FIGNL2: variants seen among roughly 807,000 people sequenced by gnomAD.
FIGNL2 encodes the protein fidgetin-like protein 2.
For missense variants in FIGNL2, 1,060 were observed against 950.2 expected, an observed-to-expected ratio of 1.12 and a Z score of -1.52; for synonymous variants, 565 against 484.0, an observed-to-expected ratio of 1.17 and a Z score of -2.20.
At chr12:51,834,539 CA>C (rs1314538373) in intron 1 of FIGNL2, among the ~76,000 whole-genome samples, 1 of 152,252 alleles carries the variant, frequency 6.6e-6, no homozygotes, top group East Asian at 1.9e-4. Flanking sequence ...GCCGCCCCGC[CA>C]GTCTGGCTCC....
chr12:51,835,175 C>T (rs1464411277), intron 1 of FIGNL2: 2 of 151,156 alleles, frequency 1.3e-5, no homozygotes, highest in African/African-American at 4.9e-5. Flanking sequence ...TCCCCCACCA[C>T]CCCCTCTTCC....
chr12:51,841,069 C>T (rs1437860161), intron 1 of FIGNL2, among the ~76,000 whole-genome samples: 1 of 152,260 alleles, frequency 6.6e-6, no homozygotes, highest in African/African-American at 2.4e-5. Flanking sequence ...GAGTCCCCAG[C>T]AGCTGCCTCA....
chr12:51,822,062 T>A lies in FIGNL2; in HGVS notation c.352A>T (p.Thr118Ser). ...GAACCGCCGCCACCGCCCGATTTGG[T>A]TCCTGGGAGGCCTTCGTGGAGTGAG... is the stretch of plus-strand genomic sequence containing the variant. ...LASLHEGLPG[T>S]KSGGGGGSGA... Residue 118 changes from threonine (T) to serine (S), a missense_variant, in exon 2 of 2, where the codon ACC (threonine) becomes TCC (serine). Physicochemically the swap from Thr to Ser is moderately conservative, Grantham distance 58 (BLOSUM62 1). Transcript: ENST00000618634. 1 of 1,610,504 alleles carries A rather than the reference T, an allele frequency of 6.2e-7. No homozygotes were observed. Among genetic ancestry groups the A allele is most frequent in the Non-Finnish European group, 8.5e-7 (1 of 1,178,636 alleles).
chr12:51,834,874 G>A (rs566189268), intron 1 of FIGNL2, among the ~76,000 whole-genome samples: 36 of 152,272 alleles, frequency 2.4e-4, no homozygotes, highest in African/African-American at 8.2e-4. Context: ...CATCGTTTTC[G>A]TCCTCACAAT....
At position 51,821,354 on chromosome 12, in the gene FIGNL2, C is replaced by G; in HGVS notation, c.1060G>C (p.Ala354Pro). ...PFEKFPERAP[A>P]PRGGFAVPSG... ...GGCACGGCGAACCCCCCACGAGGAGCCGGGGCCCGCTCCGGGAACTTTTCA... is the reference window on the plus strand; with the variant it reads ...GGCACGGCGAACCCCCCACGAGGAGGCGGGGCCCGCTCCGGGAACTTTTCA... The change falls in exon 2 of 2, where the codon GCT (alanine) becomes CCT (proline). Residue 354 changes from alanine (A) to proline (P), a missense_variant. Coordinates refer to ENST00000618634, the MANE Select transcript of FIGNL2 (RefSeq NM_001384995.1). 3.3e-6 allele frequency: 5 copies of G among 1,501,156 alleles called. No homozygotes were observed. The highest frequency in any genetic ancestry group is 4.4e-6 in the Non-Finnish European group (5 of 1,128,730). The allele number at this position is 1,501,156 out of a possible 1,614,324, so 93.0% of individuals were successfully genotyped here.
chr12:51,845,719 CA>C, intron 1 of FIGNL2: 1 of 971,666 alleles, frequency 1.0e-6, no homozygotes, highest in Non-Finnish European at 1.2e-6. Flanking sequence ...TGACCGACGG[CA>C]GGGGGAGGGG....
chr12:51,841,104 C>T (rs760978366), intron 1 of FIGNL2, among the ~76,000 whole-genome samples: 2 of 152,182 alleles, frequency 1.3e-5, no homozygotes, highest in Non-Finnish European at 2.9e-5. Flanking sequence ...CTTCCCAGCC[C>T]TGGGGGGGCT....
intron 1 of FIGNL2, among the ~76,000 whole-genome samples, chr12:51,836,636 A>G (rs1006415180): frequency 2.6e-5 from 4 of 152,108 alleles, no homozygotes; most frequent in Admixed American, 2.6e-4. Context: ...GACACACCCC[A>G]GTTAGAAATG....
rs1939769860 is a variant in FIGNL2, at chr12:51,847,185, A to G, written c.-12+1355T>C. The G allele has an allele frequency of 3.0e-6, 3 of 985,230 alleles. No individual in the cohort carries two copies. The Admixed American group carries it at 1.8e-4, about 61-fold the overall frequency. The allele number at this position is 985,230 out of a possible 1,614,324, so 61.0% of individuals were successfully genotyped here. A position where few individuals can be genotyped will look rare whatever the true frequency, so the allele number is the denominator to read the frequency against. Reference sequence around the variant, plus strand: ...GGACTGAGAGGCTCGGGGAGGCTTTAGGAGGATGCTATGGGATTTCGGGGT... The same window carrying G: ...GGACTGAGAGGCTCGGGGAGGCTTTGGGAGGATGCTATGGGATTTCGGGGT... On this transcript the variant is annotated intron_variant, in intron 1 of 1. Transcript: ENST00000618634.
chr12:51,834,370 GGCC>G (rs1313420124), intron 1 of FIGNL2, among the ~76,000 whole-genome samples: 2 of 152,058 alleles, frequency 1.3e-5, no homozygotes, highest in Non-Finnish European at 2.9e-5. Flanking sequence ...GACTCCACAG[GGCC>G]TCTTTCTCTT....
chr12:51,837,529 T>C (rs975371461), intron 1 of FIGNL2, among the ~76,000 whole-genome samples: 21 of 152,202 alleles, frequency 1.4e-4, no homozygotes, highest in African/African-American at 4.3e-4. Context: ...TTTTTTCTCT[T>C]GTGTTGCCCT....
chr12:51,822,221 C>G lies in FIGNL2; in HGVS notation c.193G>C (p.Glu65Gln). Residue 65 changes from glutamate to glutamine, a missense_variant, in exon 2 of 2, where the codon GAG becomes CAG. By Grantham distance (29) the Glu-to-Gln change is conservative. Coordinates refer to ENST00000618634, the MANE Select transcript of FIGNL2 (RefSeq NM_001384995.1). ...GAATCCAAGACCCCAGAGTACTTCT[C>G]TGCATAGCGCTTTAGGAGGTTGGAG... Reference protein sequence around the residue: ...TASNLLKRYAEKYSGVLDSPY... With the variant: ...TASNLLKRYAQKYSGVLDSPY... 1 of 1,611,588 alleles carries G rather than the reference C, an allele frequency of 6.2e-7. No individual in the cohort carries two copies.
intron 1 of FIGNL2, among the ~76,000 whole-genome samples, chr12:51,825,420 A>T (rs574448472): frequency 1.7e-4 from 26 of 151,902 alleles, no homozygotes; most frequent in African/African-American, 6.0e-4. Context: ...AGCAATCCTT[A>T]CTGAAACCTC....
chr12:51,820,668 T>G lies in FIGNL2; in HGVS notation c.1746A>C (p.Glu582Asp). Residue 582 changes from glutamate (E) to aspartate (D), a missense_variant, in exon 2 of 2, where the codon GAA becomes GAC. Transcript: ENST00000618634. The stretch of plus-strand genomic sequence containing the variant: ...GCGTGCCCTGCACCAGCGCCGCCAG[T>G]TCCCGCTCACTGAGCGCGCAGCCCT... Reference protein sequence around the residue: ...AQQGCALSERELAALVQGTQG... With the variant: ...AQQGCALSERDLAALVQGTQG... The G allele has an allele frequency of 6.6e-7, 1 of 1,513,910 alleles. No homozygotes were observed. The highest frequency in any genetic ancestry group is 8.8e-7 in the Non-Finnish European group (1 of 1,138,700). 93.8% of individuals were successfully genotyped at this position (1,513,910 alleles called of 1,614,324 possible).
intron 1 of FIGNL2, chr12:51,847,378 G>C (rs1020664312): frequency 1.2e-5 from 12 of 985,444 alleles, no homozygotes; most frequent in Non-Finnish European, 1.4e-5. Context: ...GGCTGGAACC[G>C]GGTCCCCACT....
intron 1 of FIGNL2, among the ~76,000 whole-genome samples, chr12:51,837,681 G>A (rs1161313458): frequency 6.6e-6 from 1 of 152,152 alleles, no homozygotes; most frequent in Non-Finnish European, 1.5e-5. Flanking sequence ...GGATGCTCAG[G>A]CCACCTTCCT....
At chr12:51,835,452 G>A (rs960511444) in intron 1 of FIGNL2, 1 of 152,166 alleles carries the variant, frequency 6.6e-6, no homozygotes, top group African/African-American at 2.4e-5. Context: ...TCCTGCCCAA[G>A]GCCACCAGCC....
At chr12:51,844,916 C>T (rs1939719519) in intron 1 of FIGNL2, 5 of 977,846 alleles carry the variant, frequency 5.1e-6, no homozygotes, top group Non-Finnish European at 6.1e-6. Context: ...ATGGAGTGAG[C>T]ACTGAGTGGG....
At chr12:51,834,537 G>A (rs1047500122) in intron 1 of FIGNL2, among the ~76,000 whole-genome samples, 5 of 152,196 alleles carry the variant, frequency 3.3e-5, no homozygotes, top group South Asian at 2.1e-4. Flanking sequence ...AGGCCGCCCC[G>A]CCAGTCTGGC....
Sources: gnomAD v4.1 joint callset for allele counts (sites outside exome capture counted in the v4.1 genomes callset) on GRCh38, gnomAD v4.1.1 for gene constraint, MANE v1.5 for transcripts, NCBI Gene and HGNC (gene_info 2026-07-23, HGNC 2026-07-21) for gene names.